Variants in MGA observed in about 807,000 individuals in gnomAD.
MGA encodes the protein MAX dimerization protein MGA.
A neutral mutation model predicts 261.1 loss-of-function variants in MGA; 40 were observed. That is an observed-to-expected ratio of 0.15 (90% CI 0.12 to 0.20). The LOEUF (loss-of-function observed/expected upper bound fraction) is 0.20. Ranked by LOEUF, MGA falls within the 10% of genes least tolerant of loss-of-function variation. The pLI, the probability that MGA is intolerant of heterozygous loss-of-function variation, is 1.00. For synonymous variants in MGA, 1,302 were observed against 1,290.6 expected (o/e 1.01, Z -0.19); for missense variants, 3,397 against 3,630.5 (o/e 0.94, Z 1.65).
chr15:41,719,505 C>T (rs963526316), intron 9 of MGA, among the ~76,000 whole-genome samples: 7 of 152,172 alleles, frequency 4.6e-5, no homozygotes, highest in African/African-American at 1.7e-4. Context: ...CTTCAGGAGG[C>T]CGAGACTAGT....
At chr15:41,685,353 C>T (rs1452221700) in intron 2 of MGA, among the ~76,000 whole-genome samples, 1 of 152,130 alleles carries the variant, frequency 6.6e-6, no homozygotes, top group East Asian at 1.9e-4. Context: ...CAATACCGTG[C>T]TGTCTTAATG....
intron 15 of MGA, 65 bp from the exon 16 acceptor site, chr15:41,748,572 A>C: frequency 6.7e-7 from 1 of 1,499,978 alleles, no homozygotes; most frequent in Admixed American, 2.1e-5. Context: ...TATTATGAAT[A>C]CTTTTTTTTC....
chr15:41,751,934 A>C (rs1191934237), intron 17 of MGA: 3 of 152,208 alleles, frequency 2.0e-5, no homozygotes, highest in African/African-American at 7.2e-5. Flanking sequence ...CTTGAGATTC[A>C]TTCTGCCTCT....
At chr15:41,698,487 G>A (rs1276628776) in intron 3 of MGA, among the ~76,000 whole-genome samples, 2 of 152,176 alleles carry the variant, frequency 1.3e-5, no homozygotes, top group African/African-American at 2.4e-5. Context: ...TGACTACACA[G>A]ATGTTGGATA....
At chr15:41,681,256 C>G (rs1185652103) in intron 2 of MGA, among the ~76,000 whole-genome samples, 2 of 152,078 alleles carry the variant, frequency 1.3e-5, no homozygotes, top group Non-Finnish European at 2.9e-5. Flanking sequence ...TTAGCTATTT[C>G]TTGTGGTATT....
chr15:41,683,362 G>C lies in MGA; in HGVS notation c.1065-12713G>C, dbSNP rs1322859711. On this transcript the variant is annotated intron_variant, in intron 2 of 23. Transcript: ENST00000219905. Reference sequence around the variant, plus strand: ...CTCAGCCTCCTGAGTAGTTGGGACTGACTACAGGTGTGCACCACCACACCT... The same window carrying C: ...CTCAGCCTCCTGAGTAGTTGGGACTCACTACAGGTGTGCACCACCACACCT... 2.0e-5 allele frequency among the ~76,000 whole-genome samples: 3 copies of C among 151,904 alleles called. No individual in the cohort carries two copies. The East Asian group carries it at 5.8e-4, about 29-fold the overall frequency.
intron 13 of MGA, among the ~76,000 whole-genome samples, chr15:41,738,855 A>G (rs2061937635): frequency 6.6e-6 from 1 of 152,154 alleles, no homozygotes; most frequent in Admixed American, 6.6e-5. Context: ...CAAGGCAGAG[A>G]TATTCTTGAT....
intron 1 of MGA, among the ~76,000 whole-genome samples, chr15:41,638,874 T>G (rs2056766207): frequency 6.6e-6 from 1 of 151,886 alleles, no homozygotes; most frequent in African/African-American, 2.4e-5. Flanking sequence ...CTGCTAATTT[T>G]TTGTTGTTGT....
At chr15:41,706,110 G>T (rs370870783) in intron 5 of MGA, among the ~76,000 whole-genome samples, 1 of 151,912 alleles carries the variant, frequency 6.6e-6, no homozygotes, top group African/African-American at 2.4e-5. Context: ...GGTGGCACAC[G>T]CCTGTAATCC....
upstream of MGA, among the ~76,000 whole-genome samples, chr15:41,655,525 T>G (rs960056879): frequency 2.0e-5 from 3 of 152,216 alleles, no homozygotes; most frequent in Non-Finnish European, 4.4e-5. Flanking sequence ...ATAATTTAAA[T>G]GCTTTGTAAA....
intron 1 of MGA, among the ~76,000 whole-genome samples, chr15:41,651,247 T>C (rs2057035617): frequency 6.6e-6 from 1 of 152,182 alleles, no homozygotes; most frequent in South Asian, 2.1e-4. Flanking sequence ...AAGTTTCCAA[T>C]GCAGGAACTT....
upstream of MGA, among the ~76,000 whole-genome samples, chr15:41,659,328 C>T (rs1370578865): frequency 6.6e-6 from 1 of 151,940 alleles, no homozygotes; most frequent in Non-Finnish European, 1.5e-5. Flanking sequence ...CTGTTGACTC[C>T]TTCCTTAGTC....
chr15:41,636,963 C>T (rs960793537), intron 1 of MGA, among the ~76,000 whole-genome samples: 7 of 151,384 alleles, frequency 4.6e-5, no homozygotes, highest in African/African-American at 1.2e-4. Flanking sequence ...AAGGTGACAC[C>T]GTAAAGGGAG....
intron 3 of MGA, 143 bp downstream of exon 3, chr15:41,697,166 G>A: frequency 1.5e-6 from 1 of 654,664 alleles, no homozygotes; most frequent in East Asian, 2.8e-5. Flanking sequence ...GGAGGGAAGT[G>A]TCTCCAAAAT....
intron 1 of MGA, among the ~76,000 whole-genome samples, chr15:41,621,895 G>A (rs781520873): frequency 2.0e-4 from 31 of 152,170 alleles, no homozygotes; most frequent in Non-Finnish European, 3.5e-4. Context: ...GCGGCTTTTC[G>A]TGGCGTCCTG....
At chr15:41,764,184 A>G (rs1459665273) in intron 22 of MGA, among the ~76,000 whole-genome samples, 2 of 151,028 alleles carry the variant, frequency 1.3e-5, no homozygotes, top group African/African-American at 4.9e-5. Flanking sequence ...AAAAAATGGT[A>G]TATTCTTTTT....
chr15:41,715,391 G>T (rs537431450), intron 9 of MGA, among the ~76,000 whole-genome samples: 1 of 151,858 alleles, frequency 6.6e-6, no homozygotes, highest in South Asian at 2.1e-4. Context: ...TTTATGATCG[G>T]CCCACCTCGG....
rs560795880 is a variant in MGA, at chr15:41,749,050, A to C, written c.5504-61A>C. 739 of 1,553,888 alleles carry C rather than the reference A, an allele frequency of 4.8e-4. 5 individuals are homozygous for C. In the South Asian group the frequency reaches 8.5e-3, roughly 18 times the overall value. ...TACTTTTCCAAAAAGAAAAGCAAACATTGGAAGTCTTGATATGGGCAGTCA... is the reference window on the plus strand; with the variant it reads ...TACTTTTCCAAAAAGAAAAGCAAACCTTGGAAGTCTTGATATGGGCAGTCA... On this transcript the variant is annotated intron_variant, in intron 16 of 23. Coordinates refer to ENST00000219905, the MANE Select transcript of MGA (RefSeq NM_001164273.2).
chr15:41,650,479 C>G (rs1368471520), intron 1 of MGA, among the ~76,000 whole-genome samples: 2 of 152,036 alleles, frequency 1.3e-5, no homozygotes, highest in East Asian at 3.9e-4. Flanking sequence ...ATTCCATCAC[C>G]CAGGCTGGAG....
Sources: gnomAD v4.1 joint callset for allele counts (sites outside exome capture counted in the v4.1 genomes callset) on GRCh38, gnomAD v4.1.1 for gene constraint, MANE v1.5 for transcripts, NCBI Gene and HGNC (gene_info 2026-07-23, HGNC 2026-07-21) for gene names.